The following TNR variants were observed in gnomAD, a reference collection of about 807,000 sequenced individuals.
TNR encodes tenascin R.
TNR carries 45 observed loss-of-function variants against 150.4 expected under a neutral mutation model. The observed-to-expected ratio is 0.30, with a 90% CI of 0.24 to 0.38. The LOEUF (loss-of-function observed/expected upper bound fraction) is 0.38, where lower values mean the gene tolerates loss of function less well. TNR is among the 10% of genes least tolerant of loss of function. TNR has a pLI of 1.00. For missense variants in TNR, 1,544 were observed against 1,759.1 expected, an observed-to-expected ratio of 0.88 and a Z score of 2.19; for synonymous variants, 687 against 678.4, an observed-to-expected ratio of 1.01 and a Z score of -0.20.
chr1:175,672,373 C>T (rs1296553089), intron 1 of TNR, among the ~76,000 whole-genome samples: 2 of 152,162 alleles, frequency 1.3e-5, no homozygotes, highest in Non-Finnish European at 2.9e-5. Context: ...GGCCCATGAG[C>T]TGGGACAACT....
At chr1:175,474,084 T>A (rs940678488) in intron 2 of TNR, among the ~76,000 whole-genome samples, 7 of 152,120 alleles carry the variant, frequency 4.6e-5, no homozygotes, top group African/African-American at 1.7e-4. Context: ...ATACATGTTA[T>A]TTCTATAATA....
intron 1 of TNR, among the ~76,000 whole-genome samples, chr1:175,657,198 T>G (rs1665204190): frequency 6.6e-6 from 1 of 152,064 alleles, no homozygotes; most frequent in Non-Finnish European, 1.5e-5. Flanking sequence ...ATCAGAGAAA[T>G]GCAAATCAAA....
chr1:175,408,675 A>G (rs1369815467), intron 2 of TNR, among the ~76,000 whole-genome samples: 1 of 152,210 alleles, frequency 6.6e-6, no homozygotes, highest in Non-Finnish European at 1.5e-5. Context: ...CTATCTATAA[A>G]GTGGAGATAA....
At chr1:175,402,765 T>G (rs957016126) in intron 4 of TNR, among the ~76,000 whole-genome samples, 1 of 152,154 alleles carries the variant, frequency 6.6e-6, no homozygotes, top group Non-Finnish European at 1.5e-5. Flanking sequence ...GTGGAACGCT[T>G]GGGATCCCTC....
chr1:175,548,132 C>T (rs1660786009), intron 1 of TNR, among the ~76,000 whole-genome samples: 1 of 152,116 alleles, frequency 6.6e-6, no homozygotes, highest in Non-Finnish European at 1.5e-5. Flanking sequence ...ATGCATCTGG[C>T]ACAACTGAGG....
intron 1 of TNR, among the ~76,000 whole-genome samples, chr1:175,618,572 A>G (rs1371919026): frequency 6.6e-6 from 1 of 152,114 alleles, no homozygotes; most frequent in Non-Finnish European, 1.5e-5. Flanking sequence ...AGATGAAACC[A>G]TTTGTTCCCT....
intron 1 of TNR, among the ~76,000 whole-genome samples, chr1:175,728,070 G>T (rs569805655): frequency 2.0e-5 from 3 of 152,194 alleles, no homozygotes; most frequent in Admixed American, 6.5e-5. Context: ...CATAAGTGTG[G>T]ATAGACCAGA....
intron 18 of TNR, among the ~76,000 whole-genome samples, chr1:175,343,044 G>C (rs984204570): frequency 2.0e-5 from 3 of 152,190 alleles, no homozygotes; most frequent in Non-Finnish European, 4.4e-5. Context: ...TCTCCCTGCT[G>C]CCATTCTGGT....
At chr1:175,557,539 T>C (rs1008336762) in intron 1 of TNR, among the ~76,000 whole-genome samples, 3 of 152,194 alleles carry the variant, frequency 2.0e-5, no homozygotes, top group African/African-American at 7.2e-5. Flanking sequence ...ACTTGAACTT[T>C]GATAGCTTTG....
chr1:175,507,498 G>A (rs1659006529), intron 2 of TNR, among the ~76,000 whole-genome samples: 1 of 152,082 alleles, frequency 6.6e-6, no homozygotes, highest in African/African-American at 2.4e-5. Flanking sequence ...GAGTATCTGA[G>A]GCTGTTGATA....
rs1044904763 is a variant in TNR, at chr1:175,316,282, G to A, written c.*7075C>T. 3 of 152,234 alleles carry A rather than the reference G, an allele frequency of 2.0e-5. No homozygotes were observed. The highest frequency in any genetic ancestry group is 4.8e-5 in the African/African-American group (2 of 41,460). 9.4% of individuals were successfully genotyped at this position (152,234 alleles called of 1,614,324 possible). ...CCCACTAGGGATGTGGGGCAGGTAA[G>A]GAGTGGGGAAAAGAAACCAGGGGGA... On this transcript the variant is annotated 3_prime_UTR_variant, in exon 23 of 23. Transcript: ENST00000367674.
At chr1:175,709,787 C>T (rs1057451361) in intron 1 of TNR, among the ~76,000 whole-genome samples, 9 of 151,948 alleles carry the variant, frequency 5.9e-5, no homozygotes, top group African/African-American at 2.2e-4. Context: ...CTACTGAGCA[C>T]CCTACTGCTT....
chr1:175,592,397 C>A (rs1442311597), intron 1 of TNR, among the ~76,000 whole-genome samples: 4 of 152,228 alleles, frequency 2.6e-5, no homozygotes, highest in African/African-American at 9.6e-5. Context: ...TTTGGCAATG[C>A]CACTTTATGT....
At chr1:175,716,477 G>A (rs1208995950) in intron 1 of TNR, among the ~76,000 whole-genome samples, 1 of 152,108 alleles carries the variant, frequency 6.6e-6, no homozygotes, top group Admixed American at 6.5e-5. Flanking sequence ...GCTCAGTCCT[G>A]GAGGTACTGC....
chr1:175,331,054 T>TTTCTTTCCTTC (rs1571298801), intron 20 of TNR, among the ~76,000 whole-genome samples: 7 of 105,786 alleles, frequency 6.6e-5, no homozygotes, highest in Middle Eastern at 4.9e-3. Flanking sequence ...TCTTTCTTTC[T>TTTCTTTCCTTC]TTCTTTCTTT....
At chr1:175,588,911 A>G (rs1185368526) in intron 1 of TNR, among the ~76,000 whole-genome samples, 1 of 152,180 alleles carries the variant, frequency 6.6e-6, no homozygotes, top group Non-Finnish European at 1.5e-5. Context: ...GAGTAGACCC[A>G]GTATGGCCAG....
Position 175,682,844 on chromosome 1 carries a change from G to A in TNR, c.-165+60382C>T, listed in dbSNP as rs1666078432. 2.6e-5 allele frequency among the ~76,000 whole-genome samples: 4 copies of A among 152,132 alleles called. No individual in the cohort carries two copies. In the South Asian group the frequency reaches 6.2e-4, roughly 24 times the overall value. On this transcript the variant is annotated intron_variant, in intron 1 of 22. Transcript: ENST00000367674. Reference sequence around the variant, plus strand: ...TGGGACCCCACACGCACTCTACATGGGTGCTGGAATGGTGTGATTTCCCTT... The same window carrying A: ...TGGGACCCCACACGCACTCTACATGAGTGCTGGAATGGTGTGATTTCCCTT...
chr1:175,599,672 G>A lies in TNR; in HGVS notation c.-164-71303C>T, dbSNP rs138523704. On this transcript the variant is annotated intron_variant, in intron 1 of 22. Transcript: ENST00000367674. The surrounding 1 kb of genome is among the most constrained non-coding windows in gnomAD (Gnocchi z 4.7). ...ACTCCAGAGGCCGGCGGCTCCTTGC[G>A]GTGGGGAGAGGAGGACAGAGGGGCC... Among the ~76,000 whole-genome samples, 1,474 of 152,328 alleles carry A rather than the reference G, an allele frequency of 9.7e-3. 23 individuals are homozygous for A. Among genetic ancestry groups the A allele is most frequent in the African/African-American group, 0.034 (1,399 of 41,576 alleles).
At chr1:175,664,334 T>C (rs1665467777) in intron 1 of TNR, among the ~76,000 whole-genome samples, 1 of 152,126 alleles carries the variant, frequency 6.6e-6, no homozygotes, top group African/African-American at 2.4e-5. Flanking sequence ...AGGTATGGTG[T>C]CCAGGAGCAG....
Sources: gnomAD v4.1 joint callset for allele counts (sites outside exome capture counted in the v4.1 genomes callset) on GRCh38, gnomAD v4.1.1 for gene constraint, Gnocchi (gnomAD v3.1) non-coding constraint, MANE v1.5 for transcripts, NCBI Gene and HGNC (gene_info 2026-07-23, HGNC 2026-07-21) for gene names.